Variants in SMG6 observed in about 807,000 individuals in gnomAD.
SMG6 encodes SMG6 nonsense mediated mRNA decay factor.
Under a neutral mutation model 142.2 loss-of-function variants are expected in SMG6, and 66 were observed. The ratio of observed to expected loss-of-function variants is 0.46; its 90% CI spans 0.38 to 0.57. The LOEUF (loss-of-function observed/expected upper bound fraction) is 0.57, where lower values mean the gene tolerates loss of function less well. Ranked by LOEUF, SMG6 falls within the 20% of genes least tolerant of loss-of-function variation. SMG6 has a pLI of 0.00. For missense variants in SMG6, 1,793 were observed against 1,832.0 expected (o/e 0.98, Z 0.39); for synonymous variants, 779 against 702.4 (o/e 1.11, Z -1.72).
At chr17:2,257,708 C>T (rs1231349093) in intron 8 of SMG6, among the ~76,000 whole-genome samples, 1 of 151,918 alleles carries the variant, frequency 6.6e-6, no homozygotes, top group Non-Finnish European at 1.5e-5. Context: ...CAGTGGTTCC[C>T]AAACTTTACA....
At position 2,300,075 on chromosome 17, in the gene SMG6, C is replaced by A. The variant is rs916633804; in HGVS notation, c.678G>T (p.Val226=). The A allele has an allele frequency of 6.2e-7, 1 of 1,613,656 alleles. No homozygotes were observed. The highest frequency in any genetic ancestry group is 8.5e-7 in the Non-Finnish European group (1 of 1,179,536). Residue 226 remains valine (V), a synonymous_variant, in exon 2 of 19, where the codon GTG becomes GTT. Transcript: ENST00000263073. ...GGGCTGGGTCGTCGTGGGTTTCCCT[C>A]ACCCCCTCCCCTTTTCCCATCCTCT... is the stretch of plus-strand genomic sequence containing the variant. ...KGKRMGKGEG[V]RETHDDPARG... is the part of the protein sequence containing the mutation.
In SMG6 at chr17:2,092,322, T is replaced by C. The variant is rs532603157; in HGVS notation, c.3358-6421A>G. Among the ~76,000 whole-genome samples the C allele has an allele frequency of 6.6e-5, 10 of 152,156 alleles. No individual in the cohort carries two copies. In the South Asian group the frequency reaches 1.9e-3, roughly 28 times the overall value. ...TTGGCCTGTGCTAGCTGAAGGGTCA[T>C]TGGGTCACAAGATGAAATGCTAACA... On this transcript the variant is annotated intron_variant, in intron 13 of 18. Coordinates refer to ENST00000263073, the MANE Select transcript of SMG6 (RefSeq NM_017575.5).
At chr17:2,156,250 G>A (rs866227103) in intron 13 of SMG6, among the ~76,000 whole-genome samples, 17 of 150,616 alleles carry the variant, frequency 1.1e-4, no homozygotes, top group African/African-American at 3.9e-4. Flanking sequence ...AAAATTAGCC[G>A]GGCGTGGTCA....
At position 2,068,868 on chromosome 17, in the gene SMG6, C is replaced by T. The variant is rs2068019968; in HGVS notation, c.3745G>A (p.Val1249Ile). 4 of 1,614,216 alleles carry T rather than the reference C, an allele frequency of 2.5e-6. No homozygotes were observed. Among genetic ancestry groups the T allele is most frequent in the Non-Finnish European group, 3.4e-6 (4 of 1,180,032 alleles). ...MELEIRPLFL[V>I]PDTNGFIDHL... is the part of the protein sequence containing the mutation. ...TCAATGAAGCCGTTGGTGTCTGGTA[C>T]GAGGAACAAAGGTCTGATTTCGAGC... is the stretch of plus-strand genomic sequence containing the variant. Residue 1249 changes from valine (V) to isoleucine (I), a missense_variant, in exon 16 of 19, where the codon GTA becomes ATA. By Grantham distance (29) the Val-to-Ile change is conservative. Transcript: ENST00000263073. This position sits in a 1 kb window ranked among gnomAD's most constrained non-coding sequence, Gnocchi z 6.7.
At chr17:2,185,991 T>G (rs1039351501) in intron 12 of SMG6, among the ~76,000 whole-genome samples, 1 of 152,012 alleles carries the variant, frequency 6.6e-6, no homozygotes, top group African/African-American at 2.4e-5. Context: ...TTTGGGAGGC[T>G]GAGGCAGGTG....
intron 8 of SMG6, among the ~76,000 whole-genome samples, chr17:2,272,230 T>A (rs2074555947): frequency 6.6e-6 from 1 of 152,096 alleles, no homozygotes; most frequent in Non-Finnish European, 1.5e-5. Flanking sequence ...TTTCACACCT[T>A]CTCTGTCTTT....
At chr17:2,087,136 C>A (rs2068585289) in intron 13 of SMG6, 1 of 1,290,518 alleles carries the variant, frequency 7.7e-7, no homozygotes, top group Non-Finnish European at 1.0e-6. Flanking sequence ...TGGACAGCAA[C>A]CCCTCTGGTG....
intron 13 of SMG6, among the ~76,000 whole-genome samples, chr17:2,104,452 G>A (rs532807184): frequency 6.6e-6 from 1 of 152,128 alleles, no homozygotes; most frequent in South Asian, 2.1e-4. Flanking sequence ...GTCCTCACAA[G>A]TGACAATGCA....
chr17:2,157,177 C>A (rs138327231), intron 13 of SMG6, among the ~76,000 whole-genome samples: 1,890 of 152,252 alleles, frequency 0.012, 27 homozygotes, highest in Non-Finnish European at 0.018. Flanking sequence ...CGGGGCCACC[C>A]ATGACACAAA....
chr17:2,091,992 T>TC (rs2068739161), intron 13 of SMG6, among the ~76,000 whole-genome samples: 1 of 151,136 alleles, frequency 6.6e-6, no homozygotes, highest in African/African-American at 2.4e-5. Context: ...CCTTTTTCTT[T>TC]TTTTTTTTTT....
At position 2,209,010 on chromosome 17, in the gene SMG6, T is replaced by A. The variant is rs576115945; in HGVS notation, c.2870-20495A>T. Among the ~76,000 whole-genome samples the A allele has an allele frequency of 1.2e-4, 19 of 152,088 alleles. No homozygotes were observed. In the South Asian group the frequency reaches 3.7e-3, roughly 30 times the overall value. The stretch of plus-strand genomic sequence containing the variant: ...GCCTGGGCAACAAAGTGAGACTCCA[T>A]CAAAATTAGCTGGGCATGGTAGCAT... On this transcript the variant is annotated intron_variant, in intron 10 of 18. Coordinates refer to ENST00000263073, the MANE Select transcript of SMG6 (RefSeq NM_017575.5).
At chr17:2,112,483 G>A (rs944914298) in intron 13 of SMG6, among the ~76,000 whole-genome samples, 1 of 150,724 alleles carries the variant, frequency 6.6e-6, no homozygotes, top group African/African-American at 2.4e-5. Context: ...ACTCCAGCCT[G>A]GGTGACTGAG....
chr17:2,127,874 T>G, intron 13 of SMG6: 1 of 563,032 alleles, frequency 1.8e-6, no homozygotes, highest in Non-Finnish European at 3.5e-6. Flanking sequence ...TGCTTCATCT[T>G]GGTGGCCATA....
intron 10 of SMG6, among the ~76,000 whole-genome samples, chr17:2,223,944 AAG>A (rs1241112083): frequency 6.6e-6 from 1 of 152,206 alleles, no homozygotes; most frequent in Non-Finnish European, 1.5e-5. Flanking sequence ...AAAGAAAAGA[AAG>A]AAAGTCTGAG....
At chr17:2,119,672 T>C (rs1714633643) in intron 13 of SMG6, among the ~76,000 whole-genome samples, 2 of 151,838 alleles carry the variant, frequency 1.3e-5, no homozygotes. Context: ...GCTAATTTAT[T>C]TTTTTTTGAG....
intron 13 of SMG6, among the ~76,000 whole-genome samples, chr17:2,170,585 C>T (rs1390718929): frequency 6.6e-6 from 1 of 152,234 alleles, no homozygotes; most frequent in East Asian, 1.9e-4. Flanking sequence ...TACAAATCCC[C>T]ATTATTTTCC....
chr17:2,231,012 G>T (rs754368297), intron 10 of SMG6, among the ~76,000 whole-genome samples: 1 of 152,046 alleles, frequency 6.6e-6, no homozygotes, highest in Non-Finnish European at 1.5e-5. Context: ...GAATGAGGGG[G>T]CCAGTTTACA....
Position 2,303,401 on chromosome 17 carries a change from G to C in SMG6, c.88+232C>G, listed in dbSNP as rs1431401236. The C allele has an allele frequency of 3.0e-5, 37 of 1,248,514 alleles. 1 individual carries two copies. Among genetic ancestry groups the C allele is most frequent in the East Asian group, 1.3e-4 (4 of 31,376 alleles). 77.3% of individuals were successfully genotyped at this position (1,248,514 alleles called of 1,614,324 possible). A position where few individuals can be genotyped will look rare whatever the true frequency, so the allele number is the denominator to read the frequency against. The stretch of plus-strand genomic sequence containing the variant: ...CCTTCGCGGCGAGAAAGAGGGTGGA[G>C]GCAGGAATTCGGGCCAGGCTCTCCC... On this transcript the variant is annotated intron_variant, in intron 1 of 18. Coordinates refer to ENST00000263073, the MANE Select transcript of SMG6 (RefSeq NM_017575.5).
At chr17:2,172,307 G>A (rs573729866) in intron 13 of SMG6, among the ~76,000 whole-genome samples, 1 of 152,188 alleles carries the variant, frequency 6.6e-6, no homozygotes, top group South Asian at 2.1e-4. Flanking sequence ...TTGTGGCGGA[G>A]GGGGGCGGGG....
Sources: gnomAD v4.1 joint callset for allele counts (sites outside exome capture counted in the v4.1 genomes callset) on GRCh38, gnomAD v4.1.1 for gene constraint, Gnocchi (gnomAD v3.1) non-coding constraint, MANE v1.5 for transcripts, NCBI Gene and HGNC (gene_info 2026-07-23, HGNC 2026-07-21) for gene names.